The following ADGRL3 variants were observed in gnomAD, a reference collection of about 807,000 sequenced individuals.
ADGRL3 encodes adhesion G protein-coupled receptor L3, also known as calcium-independent alpha-latrotoxin receptor 3.
In ADGRL3, 62 loss-of-function variants were observed where a neutral mutation model predicts 153.5. The ratio of observed to expected loss-of-function variants is 0.40; its 90% CI spans 0.33 to 0.50. The LOEUF is 0.50. Among genes scored for constraint, ADGRL3 ranks in the 20% least tolerant of loss-of-function variants. The pLI is 0.47. For missense variants in ADGRL3, 1,641 were observed against 1,859.4 expected (o/e 0.88, Z 2.16); for synonymous variants, 710 against 672.5 (o/e 1.06, Z -0.86).
intron 1 of ADGRL3, among the ~76,000 whole-genome samples, chr4:61,358,547 A>G (rs1300643276): frequency 7.3e-6 from 1 of 137,562 alleles, no homozygotes; most frequent in East Asian, 2.4e-4. Context: ...CAGTGAGTGG[A>G]GATCGTGCCA....
rs961505877 is a variant in ADGRL3 at position 61,432,604 on chromosome 4, T to C, written c.-174+49415T>C. On this transcript the variant is annotated intron_variant, in intron 2 of 26. Coordinates refer to ENST00000683033, the MANE Select transcript of ADGRL3 (RefSeq NM_001387552.1). ...TTTCTTTCTTTCTTTCTTTCTTTCT[T>C]TCTTTCTTTCTTTCTTTCTTTCTTT... is the stretch of plus-strand genomic sequence containing the variant. Among the ~76,000 whole-genome samples the C allele has an allele frequency of 1.3e-4, 8 of 60,558 alleles. 2 individuals are homozygous for C. The highest frequency in any genetic ancestry group is 2.4e-4 in the Non-Finnish European group (7 of 29,160). 39.7% of individuals were successfully genotyped at this position (60,558 alleles called of 152,430 possible). A position where few individuals can be genotyped will look rare whatever the true frequency, so the allele number is the denominator to read the frequency against.
At chr4:61,439,009 T>A (rs2097493303) in intron 2 of ADGRL3, among the ~76,000 whole-genome samples, 1 of 152,020 alleles carries the variant, frequency 6.6e-6, no homozygotes, top group Non-Finnish European at 1.5e-5. Flanking sequence ...CTAACGATAA[T>A]ATGTTACTTG....
intron 17 of ADGRL3, among the ~76,000 whole-genome samples, chr4:61,971,274 A>G (rs2099026481): frequency 3.3e-5 from 5 of 152,090 alleles, no homozygotes; most frequent in Admixed American, 3.3e-4. Flanking sequence ...GTCATTTAGC[A>G]TTAGGTATAT....
intron 8 of ADGRL3, among the ~76,000 whole-genome samples, chr4:61,736,208 T>TG (rs1402987802): frequency 3.3e-5 from 5 of 151,894 alleles, no homozygotes; most frequent in Non-Finnish European, 5.9e-5. Context: ...TACATACATA[T>TG]GGGGGGGTAA....
intron 6 of ADGRL3, among the ~76,000 whole-genome samples, chr4:61,693,027 G>A (rs2095569010): frequency 6.6e-6 from 1 of 152,016 alleles, no homozygotes. Flanking sequence ...ATGCTTTCCT[G>A]TGTGAAAGCA....
At chr4:61,790,794 T>A (rs2097332629) in intron 8 of ADGRL3, among the ~76,000 whole-genome samples, 1 of 152,140 alleles carries the variant, frequency 6.6e-6, no homozygotes, top group Non-Finnish European at 1.5e-5. Flanking sequence ...TGGGAAGGCC[T>A]CACAATCATG....
chr4:61,988,886 A>G (rs184758442), intron 19 of ADGRL3, among the ~76,000 whole-genome samples: 4 of 152,288 alleles, frequency 2.6e-5, no homozygotes, highest in African/African-American at 9.6e-5. Context: ...ATAATTGATA[A>G]GAACATTCTT....
intron 1 of ADGRL3, among the ~76,000 whole-genome samples, chr4:61,357,196 A>G (rs2096190873): frequency 1.3e-5 from 2 of 152,072 alleles, no homozygotes. Flanking sequence ...TACAGTATGA[A>G]TGTACTAAAT....
intron 5 of ADGRL3, among the ~76,000 whole-genome samples, chr4:61,617,678 A>C (rs1293764389): frequency 1.3e-5 from 2 of 152,190 alleles, no homozygotes; most frequent in Non-Finnish European, 2.9e-5. Context: ...TCTGCTCCCA[A>C]ATCAAGCCAC....
At chr4:61,464,267 T>C (rs2097855301) in intron 2 of ADGRL3, among the ~76,000 whole-genome samples, 1 of 152,166 alleles carries the variant, frequency 6.6e-6, no homozygotes, top group African/African-American at 2.4e-5. Flanking sequence ...AAAACAAGTG[T>C]TGTAGCAGAA....
chr4:61,220,308 A>G (rs1479471762), intron 1 of ADGRL3, among the ~76,000 whole-genome samples: 1 of 152,088 alleles, frequency 6.6e-6, no homozygotes, highest in African/African-American at 2.4e-5. Context: ...GTAATAGGAC[A>G]AGCTCTAATA....
intron 6 of ADGRL3, among the ~76,000 whole-genome samples, chr4:61,701,903 TAAA>T (rs1438688567): frequency 5.9e-5 from 9 of 152,106 alleles, no homozygotes; most frequent in African/African-American, 1.9e-4. Context: ...TGAGGAATGT[TAAA>T]GAAGGCGGTA....
chr4:61,539,535 A>AG (rs1393873332), intron 4 of ADGRL3, among the ~76,000 whole-genome samples: 4 of 152,118 alleles, frequency 2.6e-5, no homozygotes, highest in Non-Finnish European at 5.9e-5. Flanking sequence ...GTCTTTTTGT[A>AG]GGGGATCAGG....
chr4:61,208,233 C>G (rs1162282053), intron 1 of ADGRL3, among the ~76,000 whole-genome samples: 1 of 152,028 alleles, frequency 6.6e-6, no homozygotes, highest in Admixed American at 6.6e-5. Context: ...GAAAGGGACT[C>G]TGGAGTGTGT....
At chr4:62,014,723 C>T (rs1208386754) in intron 21 of ADGRL3, among the ~76,000 whole-genome samples, 8 of 152,082 alleles carry the variant, frequency 5.3e-5, no homozygotes, top group Admixed American at 6.5e-5. Flanking sequence ...TACCACTGTT[C>T]GTAAAAGGAG....
chr4:61,844,215 G>A lies in ADGRL3; in HGVS notation c.1480+30326G>A, dbSNP rs908226874. On this transcript the variant is annotated intron_variant, in intron 9 of 26. Transcript: ENST00000683033. The stretch of plus-strand genomic sequence containing the variant: ...GGCTGCTAACAGTATAACAAAAATA[G>A]CAGTCAAAAAAGGGTTTCAGAAAAA... Among the ~76,000 whole-genome samples the A allele has an allele frequency of 4.0e-5, 6 of 151,538 alleles. No homozygotes were observed. In the East Asian group the frequency reaches 1.2e-3, roughly 29 times the overall value.
intron 4 of ADGRL3, among the ~76,000 whole-genome samples, chr4:61,572,031 A>G (rs1168346259): frequency 6.6e-6 from 1 of 152,200 alleles, no homozygotes; most frequent in East Asian, 1.9e-4. Flanking sequence ...TAAGAGATTC[A>G]CATTATATGA....
chr4:62,051,063 T>G (rs1733829846), intron 25 of ADGRL3, among the ~76,000 whole-genome samples: 1 of 150,560 alleles, frequency 6.6e-6, no homozygotes, highest in African/African-American at 2.4e-5. Flanking sequence ...GGCAACAGCG[T>G]TCTGTGTGTG....
At chr4:61,856,022 G>A (rs1457476110) in intron 9 of ADGRL3, among the ~76,000 whole-genome samples, 1 of 152,062 alleles carries the variant, frequency 6.6e-6, no homozygotes, top group Non-Finnish European at 1.5e-5. Context: ...TCACCATACC[G>A]AAAGAGTTGG....
Sources: allele counts gnomAD v4.1 joint callset (sites outside exome capture counted in the v4.1 genomes callset), GRCh38; gene constraint gnomAD v4.1.1; transcripts MANE v1.5; gene names NCBI Gene and HGNC (gene_info 2026-07-23, HGNC 2026-07-21).